FKBP5: variants seen among roughly 807,000 people sequenced by gnomAD.
FKBP5 encodes peptidyl-prolyl cis-trans isomerase FKBP5.
In FKBP5, 23 loss-of-function variants were observed where a neutral mutation model predicts 50.5. That is an observed-to-expected ratio of 0.46 (90% CI 0.33 to 0.65). FKBP5 has a LOEUF of 0.65. Ranked by LOEUF, FKBP5 falls within the 30% of genes least tolerant of loss-of-function variation. The probability of loss-of-function intolerance (pLI) is 0.02; values close to 1 mark genes in which losing one functional copy is unlikely to be tolerated. For synonymous variants in FKBP5, 176 were observed against 190.6 expected (o/e 0.92, Z 0.63); for missense variants, 411 against 553.1 (o/e 0.74, Z 2.58).
At chr6:35,619,327 T>A in intron 4 of FKBP5, 117 bp from the exon 5 acceptor site, 1 of 605,696 alleles carries the variant, frequency 1.7e-6, no homozygotes, top group Non-Finnish European at 2.9e-6. Flanking sequence ...TTAAAATATA[T>A]ACATTCATTT....
chr6:35,656,333 CG>C (rs571719232), intron 1 of FKBP5, among the ~76,000 whole-genome samples: 19 of 152,104 alleles, frequency 1.2e-4, no homozygotes, highest in Non-Finnish European at 2.5e-4. Context: ...CTATACTTTT[CG>C]GGGGTTAGAC....
intron 2 of FKBP5, among the ~76,000 whole-genome samples, chr6:35,711,112 G>A (rs551634366): frequency 5.3e-5 from 8 of 151,984 alleles, no homozygotes; most frequent in African/African-American, 1.7e-4. Flanking sequence ...TTGAGTCCGC[G>A]AAGTCAAGAC....
At chr6:35,702,378 A>AG (rs1486408039) in intron 2 of FKBP5, among the ~76,000 whole-genome samples, 6 of 151,680 alleles carry the variant, frequency 4.0e-5, no homozygotes, top group Non-Finnish European at 7.4e-5. Context: ...TAAAAAAAAA[A>AG]AGACAGAAAA....
At chr6:35,595,883 AAATATT>A (rs1232601091) in intron 6 of FKBP5, among the ~76,000 whole-genome samples, 1 of 152,238 alleles carries the variant, frequency 6.6e-6, no homozygotes, top group African/African-American at 2.4e-5. Flanking sequence ...AATATAGAGT[AAATATT>A]AATATAAATA....
chr6:35,648,352 C>T (rs1332768373), intron 1 of FKBP5, among the ~76,000 whole-genome samples: 7 of 152,140 alleles, frequency 4.6e-5, no homozygotes, highest in African/African-American at 1.7e-4. Context: ...TCACTGCAGC[C>T]TTGAATTCCT....
At chr6:35,720,112 G>T (rs560812430) in intron 2 of FKBP5, among the ~76,000 whole-genome samples, 1 of 152,320 alleles carries the variant, frequency 6.6e-6, no homozygotes, top group African/African-American at 2.4e-5. Flanking sequence ...GCTGTGCTCC[G>T]TGCACCCCCA....
rs77455706 is a variant in FKBP5, at chr6:35,643,622, C to A, written c.-19-779G>T. Among the ~76,000 whole-genome samples, 448 of 152,254 alleles carry A rather than the reference C, an allele frequency of 2.9e-3. 2 individuals carry two copies. The highest frequency in any genetic ancestry group is 7.9e-3 in the African/African-American group (329 of 41,542). On this transcript the variant is annotated intron_variant, in intron 1 of 10. Coordinates refer to ENST00000357266, the MANE Select transcript of FKBP5 (RefSeq NM_004117.4). ...TCATGCAGCTCATGCTCCAGCCAAACTAGGCCAATTCCACCTCTACAACAA... is the reference window on the plus strand; with the variant it reads ...TCATGCAGCTCATGCTCCAGCCAAAATAGGCCAATTCCACCTCTACAACAA...
At chr6:35,592,863 GC>G (rs5875521) in intron 6 of FKBP5, among the ~76,000 whole-genome samples, 9,677 of 152,226 alleles carry the variant, frequency 0.064, 465 homozygotes, top group Admixed American at 0.11. Flanking sequence ...GCACGTGACA[GC>G]CCCCTATGAC....
intron 2 of FKBP5, among the ~76,000 whole-genome samples, chr6:35,700,982 A>C (rs1483636130): frequency 6.6e-6 from 1 of 152,064 alleles, no homozygotes; most frequent in Non-Finnish European, 1.5e-5. Context: ...AAAATAAATA[A>C]ATAAAAAAAT....
upstream of FKBP5, among the ~76,000 whole-genome samples, chr6:35,693,559 G>A (rs759676790): frequency 6.6e-6 from 1 of 151,040 alleles, no homozygotes; most frequent in Admixed American, 6.6e-5. Flanking sequence ...TTGCTCTGTC[G>A]CCCAGGCTGG....
chr6:35,714,583 A>G (rs1766480131), intron 2 of FKBP5, among the ~76,000 whole-genome samples: 2 of 151,260 alleles, frequency 1.3e-5, no homozygotes, highest in South Asian at 4.2e-4. Flanking sequence ...TTGGGAGGCC[A>G]AGGTGGGCAG....
intron 4 of FKBP5, among the ~76,000 whole-genome samples, chr6:35,619,585 T>C (rs938909211): frequency 6.6e-6 from 1 of 152,188 alleles, no homozygotes; most frequent in African/African-American, 2.4e-5. Flanking sequence ...CTTCTCAAAA[T>C]GTAAGAATAA....
intron 1 of FKBP5, among the ~76,000 whole-genome samples, chr6:35,723,332 A>G (rs1198947925): frequency 6.6e-6 from 1 of 152,138 alleles, no homozygotes; most frequent in Non-Finnish European, 1.5e-5. Flanking sequence ...GCATTAACTC[A>G]ATTCCTGGGA....
chr6:35,637,316 C>A (rs1764341423), intron 2 of FKBP5, among the ~76,000 whole-genome samples, 158 bp from the exon 3 acceptor site: 2 of 152,202 alleles, frequency 1.3e-5, no homozygotes, highest in Non-Finnish European at 2.9e-5. Context: ...CACAATAACT[C>A]ATTGTTAGAA....
intron 3 of FKBP5, among the ~76,000 whole-genome samples, chr6:35,624,577 GGCTAATATGA>G (rs1338860140): frequency 2.0e-5 from 3 of 152,010 alleles, no homozygotes; most frequent in African/African-American, 7.3e-5. Context: ...CCCCTCTCCT[GGCTAATATGA>G]GTGACTGCTG....
chr6:35,631,415 C>G (rs1031564867), intron 3 of FKBP5, among the ~76,000 whole-genome samples: 4 of 152,112 alleles, frequency 2.6e-5, no homozygotes, highest in Non-Finnish European at 5.9e-5. Flanking sequence ...GCCTGGGGCT[C>G]AGGGTCCAGG....
intron 9 of FKBP5, among the ~76,000 whole-genome samples, chr6:35,578,267 C>T (rs1278111513): frequency 6.6e-6 from 1 of 152,040 alleles, no homozygotes; most frequent in Non-Finnish European, 1.5e-5. Context: ...CTCACTGCAG[C>T]CTCTATCTCC....
intron 3 of FKBP5, among the ~76,000 whole-genome samples, chr6:35,626,952 T>C (rs1186862023): frequency 1.3e-5 from 2 of 152,224 alleles, no homozygotes; most frequent in Non-Finnish European, 2.9e-5. Context: ...TGTACAAATA[T>C]CTCTTCAAGA....
chr6:35,716,933 T>C (rs1766522079), intron 2 of FKBP5, among the ~76,000 whole-genome samples: 1 of 152,160 alleles, frequency 6.6e-6, no homozygotes, highest in Non-Finnish European at 1.5e-5. Flanking sequence ...TCTGCAGCAA[T>C]GGGAAGAATG....
Sources: gnomAD v4.1 joint callset for allele counts (sites outside exome capture counted in the v4.1 genomes callset) on GRCh38, gnomAD v4.1.1 for gene constraint, MANE v1.5 for transcripts, NCBI Gene and HGNC (gene_info 2026-07-23, HGNC 2026-07-21) for gene names.